Variants in S100PBP observed in about 807,000 individuals in gnomAD.
S100PBP encodes S100P-binding protein.
In S100PBP, 15 loss-of-function variants were observed where a neutral mutation model predicts 39.9. That is an observed-to-expected ratio of 0.38 (90% CI 0.25 to 0.58). The LOEUF (loss-of-function observed/expected upper bound fraction) is 0.58, where lower values mean the gene tolerates loss of function less well. Ranked by LOEUF, S100PBP falls within the 20% of genes least tolerant of loss-of-function variation. S100PBP has a pLI of 0.70. For missense variants in S100PBP, 504 were observed against 487.3 expected (o/e 1.03, Z -0.32); for synonymous variants, 178 against 180.3 (o/e 0.99, Z 0.10).
At chr1:32,851,886 T>G (rs1640625158) in intron 5 of S100PBP, among the ~76,000 whole-genome samples, 1 of 152,202 alleles carries the variant, frequency 6.6e-6, no homozygotes. Context: ...GAACCACTGG[T>G]CTAGGGAAAT....
At chr1:32,828,670 C>A (rs909868060) in intron 4 of S100PBP, among the ~76,000 whole-genome samples, 8 of 152,070 alleles carry the variant, frequency 5.3e-5, no homozygotes, top group African/African-American at 7.2e-5. Flanking sequence ...TAAAAAAATT[C>A]TTTTGATTAT....
intron 5 of S100PBP, chr1:32,847,188 A>G (rs1010779817): frequency 9.2e-5 from 14 of 152,198 alleles, no homozygotes; most frequent in African/African-American, 3.1e-4. Flanking sequence ...GTATAGATCC[A>G]AGTTTCGATG....
At chr1:32,843,546 T>G (rs931010080) in intron 5 of S100PBP, among the ~76,000 whole-genome samples, 1 of 152,046 alleles carries the variant, frequency 6.6e-6, no homozygotes, top group African/African-American at 2.4e-5. Context: ...AACCTCCGCC[T>G]TCCATGTTCA....
chr1:32,816,919 G>A (rs116562938), upstream of S100PBP: 2 of 590,048 alleles, frequency 3.4e-6, no homozygotes, highest in Non-Finnish European at 6.1e-6. Context: ...CACTTAATAG[G>A]GGGGTGGAAT....
intron 2 of S100PBP, 26 bp from the exon 3 acceptor site, chr1:32,826,072 A>G: frequency 6.6e-7 from 1 of 1,518,234 alleles, no homozygotes; most frequent in Non-Finnish European, 9.0e-7. Flanking sequence ...TCTCTTCCTC[A>G]GTGAAATTGT....
At chr1:32,818,609 C>T (rs1417813244) in intron 1 of S100PBP, 3 of 152,240 alleles carry the variant, frequency 2.0e-5, no homozygotes, top group Non-Finnish European at 1.5e-5. Flanking sequence ...CAGCTTAGCG[C>T]ATCTGTTCTC....
intron 5 of S100PBP, among the ~76,000 whole-genome samples, chr1:32,842,513 A>G (rs1190833847): frequency 6.6e-6 from 1 of 152,024 alleles, no homozygotes; most frequent in Non-Finnish European, 1.5e-5. Flanking sequence ...GAATTAGCGT[A>G]TCAATTTCTT....
intron 5 of S100PBP, among the ~76,000 whole-genome samples, chr1:32,830,511 C>G (rs1639547804): frequency 6.6e-6 from 1 of 152,194 alleles, no homozygotes; most frequent in African/African-American, 2.4e-5. Context: ...TGAATAAAAG[C>G]TCTTGAAAGG....
intron 4 of S100PBP, among the ~76,000 whole-genome samples, chr1:32,829,576 C>T (rs769138802): frequency 1.3e-5 from 2 of 152,174 alleles, no homozygotes; most frequent in Non-Finnish European, 2.9e-5. Flanking sequence ...CATCCTCCCT[C>T]CTCAGCCTCC....
chr1:32,820,627 T>C (rs1336893589), intron 1 of S100PBP: 1 of 152,222 alleles, frequency 6.6e-6, no homozygotes, highest in Non-Finnish European at 1.5e-5. Flanking sequence ...TGAGGACATT[T>C]GATACTTCAC....
At chr1:32,847,231 TTGTAA>T (rs1362480012) in intron 5 of S100PBP, 1 of 152,250 alleles carries the variant, frequency 6.6e-6, no homozygotes, top group Non-Finnish European at 1.5e-5. Context: ...AATGAACAAC[TTGTAA>T]TGTTTGTTGT....
In S100PBP at chr1:32,826,294, T is replaced by C. The variant is rs777728153; in HGVS notation, c.195T>C (p.Asp65=). The change falls in exon 3 of 7, where the codon GAT becomes GAC. Residue 65 remains aspartate (D), a synonymous_variant. Transcript: ENST00000373475. ...EEEIDALLKE[D]DPSYEQSSGE... Reference sequence around the variant, plus strand: ...AGATTGATGCACTGTTGAAGGAAGATGACCCATCATATGAGCAGTCTTCTG... The same window carrying C: ...AGATTGATGCACTGTTGAAGGAAGACGACCCATCATATGAGCAGTCTTCTG... The C allele has an allele frequency of 6.2e-7, 1 of 1,614,112 alleles. No individual in the cohort carries two copies.
At chr1:32,820,936 A>C (rs566735017) in intron 1 of S100PBP, among the ~76,000 whole-genome samples, 1 of 152,340 alleles carries the variant, frequency 6.6e-6, no homozygotes, top group African/African-American at 2.4e-5. Flanking sequence ...TGATCACGCC[A>C]CTGTTTTCTG....
At chr1:32,835,196 C>G (rs1166203193) in intron 5 of S100PBP, 1 of 152,134 alleles carries the variant, frequency 6.6e-6, no homozygotes, top group African/African-American at 2.4e-5. Flanking sequence ...TATTAACTAG[C>G]ATTCTTTTGT....
intron 5 of S100PBP, among the ~76,000 whole-genome samples, chr1:32,842,393 C>T (rs927985668): frequency 1.3e-5 from 2 of 151,346 alleles, no homozygotes; most frequent in African/African-American, 4.9e-5. Context: ...TCATTTGTCT[C>T]TAGAAAAATC....
chr1:32,823,056 G>T (rs549593798), intron 1 of S100PBP, among the ~76,000 whole-genome samples: 2 of 152,144 alleles, frequency 1.3e-5, no homozygotes, highest in Non-Finnish European at 2.9e-5. Flanking sequence ...CCTGGGTTTC[G>T]ATCCTTGTTC....
At chr1:32,820,307 G>A (rs1277162079) in intron 1 of S100PBP, among the ~76,000 whole-genome samples, 1 of 151,832 alleles carries the variant, frequency 6.6e-6, no homozygotes. Flanking sequence ...CCACACACCC[G>A]GCTAATCTTT....
In S100PBP at chr1:32,826,562, GT is replaced by G. The variant is rs774640287; in HGVS notation, c.466del (p.Cys156ValfsTer26). The stretch of plus-strand genomic sequence containing the variant: ...AACTGTTGCACCATTTAATCCAACA[GT>G]TTGTGATGCTCTGCTTGATAAGGAC... ...KVTVAPFNPTVCDALLDKDET... is the reference protein window; with the variant it reads ...KVTVAPFNPTXCDALLDKDET... On this transcript the variant is annotated frameshift_variant, in exon 3 of 7. Coordinates refer to ENST00000373475, the MANE Select transcript of S100PBP (RefSeq NM_022753.4). LOFTEE classifies it high-confidence loss of function. 1 of 1,613,886 alleles carries G rather than the reference GT, an allele frequency of 6.2e-7. No individual in the cohort carries two copies. Among genetic ancestry groups the G allele is most frequent in the South Asian group, 1.1e-5 (1 of 91,084 alleles).
chr1:32,828,934 A>T (rs1486900356), intron 4 of S100PBP, among the ~76,000 whole-genome samples: 2 of 152,200 alleles, frequency 1.3e-5, no homozygotes, highest in Non-Finnish European at 2.9e-5. Flanking sequence ...CCCAGGGGAC[A>T]GAGGTTGCAC....
Sources: allele counts gnomAD v4.1 joint callset (sites outside exome capture counted in the v4.1 genomes callset), GRCh38; gene constraint gnomAD v4.1.1; transcripts MANE v1.5; gene names NCBI Gene and HGNC (gene_info 2026-07-23, HGNC 2026-07-21).